The following ADAMTS9 variants were observed in gnomAD, a reference collection of about 807,000 sequenced individuals.
ADAMTS9 encodes the protein A disintegrin and metalloproteinase with thrombospondin motifs 9.
ADAMTS9 carries 107 observed loss-of-function variants against 257.1 expected under a neutral mutation model. The observed-to-expected ratio is 0.42, with a 90% CI of 0.36 to 0.49. ADAMTS9 has a LOEUF of 0.49. ADAMTS9 is among the 20% of genes least tolerant of loss of function. The pLI, the probability that ADAMTS9 is intolerant of heterozygous loss-of-function variation, is 0.03. For synonymous variants in ADAMTS9, 982 were observed against 880.9 expected, an observed-to-expected ratio of 1.11 and a Z score of -2.03; for missense variants, 2,353 against 2,469.1, an observed-to-expected ratio of 0.95 and a Z score of 1.00.
chr3:64,556,629 T>C (rs1425651926), intron 30 of ADAMTS9, among the ~76,000 whole-genome samples: 1 of 152,176 alleles, frequency 6.6e-6, no homozygotes, highest in East Asian at 1.9e-4. Flanking sequence ...CCTGCTTGAC[T>C]GTTCTAAAAG....
intron 28 of ADAMTS9, among the ~76,000 whole-genome samples, chr3:64,575,095 C>T (rs1032784951): frequency 3.9e-5 from 6 of 152,112 alleles, no homozygotes; most frequent in African/African-American, 1.4e-4. Flanking sequence ...TTTATTAACT[C>T]GTTGAGGCCT....
At chr3:64,533,960 A>T (rs1338084016) in intron 37 of ADAMTS9, among the ~76,000 whole-genome samples, 1 of 152,218 alleles carries the variant, frequency 6.6e-6, no homozygotes, top group Non-Finnish European at 1.5e-5. Context: ...GTGCAGCAGA[A>T]AGACCCTCTC....
At chr3:64,634,893 T>A (rs547578117) in intron 12 of ADAMTS9, among the ~76,000 whole-genome samples, 1 of 152,206 alleles carries the variant, frequency 6.6e-6, no homozygotes, top group Non-Finnish European at 1.5e-5. Flanking sequence ...AATATATCCC[T>A]GCTCACGAAA....
In ADAMTS9 at chr3:64,615,291, C is replaced by T. The variant is rs76948697; in HGVS notation, c.3189+30G>A. On this transcript the variant is annotated intron_variant, in intron 21 of 39. Coordinates refer to ENST00000498707, the MANE Select transcript of ADAMTS9 (RefSeq NM_182920.2). ...CCAGAACTAGAATGTAAGAGATGACCTAGGGGAAATAACAGCCCTCCCATC... is the reference window on the plus strand; with the variant it reads ...CCAGAACTAGAATGTAAGAGATGACTTAGGGGAAATAACAGCCCTCCCATC... 2.9e-4 allele frequency: 459 copies of T among 1,608,540 alleles called. 3 individuals carry two copies. In the East Asian group the frequency reaches 9.4e-3, roughly 33 times the overall value.
intron 28 of ADAMTS9, among the ~76,000 whole-genome samples, chr3:64,592,217 T>G (rs1225240681): frequency 6.6e-6 from 1 of 152,248 alleles, no homozygotes; most frequent in East Asian, 1.9e-4. Flanking sequence ...GCTCTTAGAC[T>G]GTAGAGGCTT....
chr3:64,571,020 A>G (rs1576041288), intron 28 of ADAMTS9, among the ~76,000 whole-genome samples: 2 of 152,346 alleles, frequency 1.3e-5, no homozygotes, highest in East Asian at 3.9e-4. Context: ...ACACAAGTCT[A>G]TATGTAGGGA....
chr3:64,632,047 T>C, intron 14 of ADAMTS9, 122 bp from the exon 15 acceptor site: 2 of 753,660 alleles, frequency 2.7e-6, no homozygotes, highest in Non-Finnish European at 4.3e-6. Flanking sequence ...CTTTAAAACT[T>C]GGAAAGGTTG....
At chr3:64,642,025 C>G (rs766890590) in intron 11 of ADAMTS9, 32 bp from the exon 12 acceptor site, 1 of 1,611,960 alleles carries the variant, frequency 6.2e-7, no homozygotes, top group Admixed American at 1.7e-5. Flanking sequence ...GTGAGGGAGA[C>G]TTGGCGCTGT....
intron 3 of ADAMTS9, among the ~76,000 whole-genome samples, chr3:64,678,744 T>C (rs1428404708): frequency 6.6e-6 from 1 of 152,252 alleles, no homozygotes; most frequent in Non-Finnish European, 1.5e-5. Context: ...AGAGGTGTCC[T>C]TGACCTGTTG....
At chr3:64,619,129 A>G (rs185332499) in intron 19 of ADAMTS9, among the ~76,000 whole-genome samples, 31 of 152,292 alleles carry the variant, frequency 2.0e-4, no homozygotes, top group Non-Finnish European at 3.8e-4. Context: ...ATTATTCGCA[A>G]TGCTATGTAT....
intron 3 of ADAMTS9, among the ~76,000 whole-genome samples, chr3:64,680,360 G>T (rs560847054): frequency 7.9e-5 from 12 of 152,158 alleles, no homozygotes; most frequent in Non-Finnish European, 1.5e-4. Context: ...GGAAGTCCAA[G>T]AATTTTTTTT....
At chr3:64,659,436 C>T (rs538330764) in intron 3 of ADAMTS9, among the ~76,000 whole-genome samples, 10 of 149,384 alleles carry the variant, frequency 6.7e-5, no homozygotes, top group Middle Eastern at 3.4e-3. Flanking sequence ...CTACTGCACT[C>T]CAGCCTGGGT....
intron 21 of ADAMTS9, 120 bp downstream of exon 21, chr3:64,615,201 A>G (rs2084738652): frequency 8.4e-7 from 1 of 1,190,628 alleles, no homozygotes; most frequent in South Asian, 1.5e-5. Flanking sequence ...CTCAAGGGAG[A>G]CAAGGGAGAA....
chr3:64,572,377 C>T (rs780326475), intron 28 of ADAMTS9, among the ~76,000 whole-genome samples: 2 of 152,136 alleles, frequency 1.3e-5, no homozygotes, highest in Non-Finnish European at 2.9e-5. Flanking sequence ...AGACATGGGC[C>T]GTCTGTTCTT....
rs189659337 is a variant in ADAMTS9 at position 64,533,279 on chromosome 3, C to T, written c.5614-9G>A. 4.4e-4 allele frequency: 712 copies of T among 1,611,132 alleles called. No individual in the cohort carries two copies. Among genetic ancestry groups the T allele is most frequent in the Non-Finnish European group, 4.7e-4 (554 of 1,177,402 alleles). Reference sequence around the variant, plus strand: ...TTGATGCTAAAACGACCCTGGAAAACACGACCAACAAAAGAGATTTTCAGT... The same window carrying T: ...TTGATGCTAAAACGACCCTGGAAAATACGACCAACAAAAGAGATTTTCAGT... On this transcript the variant is annotated splice_polypyrimidine_tract_variant and intron_variant, in intron 37 of 39. Coordinates refer to ENST00000498707, the MANE Select transcript of ADAMTS9 (RefSeq NM_182920.2).
intron 2 of ADAMTS9, among the ~76,000 whole-genome samples, chr3:64,683,520 T>A (rs1701810659): frequency 1.3e-5 from 2 of 151,550 alleles, no homozygotes; most frequent in South Asian, 4.2e-4. Context: ...AAGTCTCAGA[T>A]TTTTTTTTGT....
At chr3:64,627,420 C>G (rs922817847) in intron 16 of ADAMTS9, among the ~76,000 whole-genome samples, 1 of 152,088 alleles carries the variant, frequency 6.6e-6, no homozygotes, top group Non-Finnish European at 1.5e-5. Context: ...TGCACTGCAT[C>G]GATTCCCATC....
At position 64,541,528 on chromosome 3, in the gene ADAMTS9, T is replaced by G. The variant is rs896562498; in HGVS notation, c.5290A>C (p.Lys1764Gln). The G allele has an allele frequency of 1.2e-6, 2 of 1,613,624 alleles. No individual in the cohort carries two copies. The highest frequency in any genetic ancestry group is 2.7e-5 in the African/African-American group (2 of 74,910). Reference protein sequence around the residue: ...YFLMIRGKLLKIFCAGMHSDH... With the variant: ...YFLMIRGKLLQIFCAGMHSDH... ...AATGACTGGTGTCTGACATTCACCTTCAGAAGCTTTCCTCTAATCATCAGG... is the reference window on the plus strand; with the variant it reads ...AATGACTGGTGTCTGACATTCACCTGCAGAAGCTTTCCTCTAATCATCAGG... The change falls in exon 34 of 40, where the codon AAG becomes CAG. Residue 1764 changes from lysine (K) to glutamine (Q), a missense_variant and splice_region_variant. Lys to Gln is a moderately conservative substitution (Grantham distance 53). Coordinates refer to ENST00000498707, the MANE Select transcript of ADAMTS9 (RefSeq NM_182920.2).
intron 3 of ADAMTS9, among the ~76,000 whole-genome samples, chr3:64,659,460 ACT>A (rs1178050606): frequency 2.8e-5 from 4 of 140,570 alleles, no homozygotes; most frequent in African/African-American, 1.1e-4. Context: ...ACAAAGGGAT[ACT>A]CTGTCTCAAA....
Sources: allele counts gnomAD v4.1 joint callset (sites outside exome capture counted in the v4.1 genomes callset), GRCh38; gene constraint gnomAD v4.1.1; transcripts MANE v1.5; gene names NCBI Gene and HGNC (gene_info 2026-07-23, HGNC 2026-07-21).